RUFY3: variants seen among roughly 807,000 people sequenced by gnomAD.
The protein encoded by RUFY3 is RUN and FYVE domain containing 3, also known as protein RUFY3.
In RUFY3, 34 loss-of-function variants were observed where a neutral mutation model predicts 84.0. That is an observed-to-expected ratio of 0.40 (90% CI 0.31 to 0.54). RUFY3 has a LOEUF of 0.54. RUFY3 is among the 20% of genes least tolerant of loss of function. The pLI is 0.39. For missense variants in RUFY3, 507 were observed against 736.8 expected (o/e 0.69, Z 3.61); for synonymous variants, 242 against 252.9 (o/e 0.96, Z 0.41).
At chr4:70,787,323 T>C (rs13114848) in intron 10 of RUFY3, among the ~76,000 whole-genome samples, 3 of 145,606 alleles carry the variant, frequency 2.1e-5, no homozygotes, top group Admixed American at 6.9e-5. Context: ...AGTGGTGTAG[T>C]CTCAGCTCAC....
chr4:70,718,915 A>G (rs184838927), upstream of RUFY3, among the ~76,000 whole-genome samples: 887 of 152,144 alleles, frequency 5.8e-3, 10 homozygotes, highest in African/African-American at 0.019. Context: ...GCGTTTCTCC[A>G]TGTTGGTCAG....
At chr4:70,767,910 C>T (rs71599971) in intron 4 of RUFY3, among the ~76,000 whole-genome samples, 16,964 of 152,024 alleles carry the variant, frequency 0.11, 1,320 homozygotes, top group Non-Finnish European at 0.18. Context: ...AACTCCTGAC[C>T]TCAAGTGATC....
At chr4:70,778,951 T>C (rs1388232055) in intron 8 of RUFY3, among the ~76,000 whole-genome samples, 2 of 152,160 alleles carry the variant, frequency 1.3e-5, no homozygotes, top group Non-Finnish European at 2.9e-5. Context: ...AATTAGACTG[T>C]GTAGGGGCAT....
At chr4:70,739,963 C>G (rs938389365) in intron 1 of RUFY3, among the ~76,000 whole-genome samples, 1 of 148,666 alleles carries the variant, frequency 6.7e-6, no homozygotes, top group Non-Finnish European at 1.5e-5. Context: ...TGCACTCCAG[C>G]CTGGGTGACA....
At chr4:70,764,213 A>G (rs568819868) in intron 3 of RUFY3, among the ~76,000 whole-genome samples, 1 of 152,222 alleles carries the variant, frequency 6.6e-6, no homozygotes, top group Non-Finnish European at 1.5e-5. Flanking sequence ...CTGATGGAAC[A>G]TTTTTAGTTG....
At chr4:70,706,168 T>TA (rs1740317202) in intron 1 of RUFY3, among the ~76,000 whole-genome samples, 1 of 152,182 alleles carries the variant, frequency 6.6e-6, no homozygotes, top group Admixed American at 6.5e-5. Context: ...TACAAGCTCT[T>TA]ACAGTATGAA....
chr4:70,759,101 CATCTT>C (rs1724551391), intron 1 of RUFY3, among the ~76,000 whole-genome samples: 2 of 152,134 alleles, frequency 1.3e-5, no homozygotes, highest in South Asian at 2.1e-4. Flanking sequence ...AGAACTTACT[CATCTT>C]ATCTAGTTGT....
intron 1 of RUFY3, among the ~76,000 whole-genome samples, chr4:70,736,369 T>G (rs1560469117): frequency 1.3e-5 from 2 of 152,124 alleles, no homozygotes; most frequent in Non-Finnish European, 2.9e-5. Context: ...TATCAGATTC[T>G]CTTTTTCAAT....
intron 4 of RUFY3, among the ~76,000 whole-genome samples, chr4:70,767,431 T>A (rs906319900): frequency 3.3e-5 from 5 of 151,888 alleles, no homozygotes; most frequent in Non-Finnish European, 7.4e-5. Flanking sequence ...TTTTTAGTGC[T>A]AAGTCATATG....
chr4:70,803,327 G>A (rs1732466980), intron 16 of RUFY3, among the ~76,000 whole-genome samples: 1 of 152,106 alleles, frequency 6.6e-6, no homozygotes, highest in African/African-American at 2.4e-5. Context: ...ATAAATGATT[G>A]TAAAACACTT....
At chr4:70,747,576 G>C (rs1722435684) in intron 1 of RUFY3, among the ~76,000 whole-genome samples, 1 of 151,666 alleles carries the variant, frequency 6.6e-6, no homozygotes, top group Non-Finnish European at 1.5e-5. Flanking sequence ...TACTTTAAAG[G>C]CTGGGCTAGT....
intron 1 of RUFY3, among the ~76,000 whole-genome samples, chr4:70,752,558 A>T (rs1349626638): frequency 1.3e-5 from 2 of 152,164 alleles, no homozygotes; most frequent in Non-Finnish European, 2.9e-5. Flanking sequence ...TTTTTTGTAG[A>T]TGCCCTTTGT....
chr4:70,717,056 G>A (rs529199863), upstream of RUFY3, among the ~76,000 whole-genome samples: 11 of 152,132 alleles, frequency 7.2e-5, no homozygotes, highest in Non-Finnish European at 1.6e-4. Flanking sequence ...ATGAGAGGCA[G>A]GAGTTTAGAA....
At position 70,806,692 on chromosome 4, in the gene RUFY3, ATGCAGGCTCCTC is replaced by A; in HGVS notation, c.*36_*47del. The A allele has an allele frequency of 6.2e-7, 1 of 1,613,258 alleles. No individual in the cohort carries two copies. The highest frequency in any genetic ancestry group is 1.1e-5 in the South Asian group (1 of 90,990). On this transcript the variant is annotated 3_prime_UTR_variant, in exon 18 of 18. Coordinates refer to ENST00000381006, the MANE Select transcript of RUFY3 (RefSeq NM_001037442.4). ...GGCCAAGACCTGGACCAAAACGTTT[ATGCAGGCTCCTC>A]TGTACCTGTGTTTTAGCTGTCAGGA... is the stretch of plus-strand genomic sequence containing the variant.
chr4:70,716,079 A>C (rs984757820), intron 1 of RUFY3, among the ~76,000 whole-genome samples: 6 of 151,910 alleles, frequency 3.9e-5, no homozygotes, highest in Non-Finnish European at 8.8e-5. Context: ...GTGCCACTGC[A>C]CTCCAGCCTG....
chr4:70,755,150 CTGAGCCACCGCG>C (rs1723788810), intron 1 of RUFY3, among the ~76,000 whole-genome samples: 2 of 152,120 alleles, frequency 1.3e-5, no homozygotes, highest in African/African-American at 4.8e-5. Flanking sequence ...ATGATCCTCC[CTGAGCCACCGCG>C]TGAGCCACCA....
At chr4:70,795,204 A>T (rs1186193083) in intron 14 of RUFY3, among the ~76,000 whole-genome samples, 2 of 152,162 alleles carry the variant, frequency 1.3e-5, no homozygotes, top group African/African-American at 4.8e-5. Context: ...TGTTTCTTGG[A>T]TTTCTGCTAA....
At chr4:70,758,445 A>T (rs1376271595) in intron 1 of RUFY3, among the ~76,000 whole-genome samples, 1 of 152,134 alleles carries the variant, frequency 6.6e-6, no homozygotes, top group Non-Finnish European at 1.5e-5. Flanking sequence ...AGTTTGAGCA[A>T]CATAGCAAGA....
At chr4:70,779,399 A>G (rs1728518222) in intron 8 of RUFY3, among the ~76,000 whole-genome samples, 1 of 152,204 alleles carries the variant, frequency 6.6e-6, no homozygotes, top group South Asian at 2.1e-4. Flanking sequence ...AAACTCTTAG[A>G]AAAGTCCCTA....
Sources: gnomAD v4.1 joint callset for allele counts (sites outside exome capture counted in the v4.1 genomes callset) on GRCh38, gnomAD v4.1.1 for gene constraint, MANE v1.5 for transcripts, NCBI Gene and HGNC (gene_info 2026-07-23, HGNC 2026-07-21) for gene names.